Variants in MDGA2 observed in about 807,000 individuals in gnomAD.
MDGA2 encodes MAM domain containing glycosylphosphatidylinositol anchor 2.
In MDGA2, 40 loss-of-function variants were observed where a neutral mutation model predicts 117.8. The observed-to-expected ratio is 0.34, with a 90% CI of 0.26 to 0.44. The LOEUF is 0.44. Among genes scored for constraint, MDGA2 ranks in the 20% least tolerant of loss-of-function variants. The pLI is 1.00. For missense variants in MDGA2, 1,123 were observed against 1,250.6 expected (o/e 0.90, Z 1.54); for synonymous variants, 452 against 439.0 (o/e 1.03, Z -0.37).
At chr14:47,569,945 T>G (rs1418185136) in intron 1 of MDGA2, among the ~76,000 whole-genome samples, 2 of 152,218 alleles carry the variant, frequency 1.3e-5, no homozygotes, top group African/African-American at 4.8e-5. Context: ...GAGCAAAAAC[T>G]TTAATGAAGT....
chr14:47,497,975 T>G (rs1894317260), intron 1 of MDGA2, among the ~76,000 whole-genome samples: 1 of 152,212 alleles, frequency 6.6e-6, no homozygotes, highest in Admixed American at 6.5e-5. Context: ...AATGTTAACA[T>G]AAGTCAATGG....
intron 1 of MDGA2, among the ~76,000 whole-genome samples, chr14:47,542,227 G>A (rs542315604): frequency 6.6e-6 from 1 of 152,182 alleles, no homozygotes; most frequent in Non-Finnish European, 1.5e-5. Context: ...AGCACCACTT[G>A]TGTTCCATGA....
intron 2 of MDGA2, among the ~76,000 whole-genome samples, chr14:47,242,173 G>A (rs182034891): frequency 4.0e-5 from 6 of 151,872 alleles, no homozygotes; most frequent in Admixed American, 2.6e-4. Context: ...ACACACACAC[G>A]CTTGCAGTTC....
intron 7 of MDGA2, among the ~76,000 whole-genome samples, chr14:47,046,059 C>G (rs951628210): frequency 6.6e-6 from 1 of 150,658 alleles, no homozygotes; most frequent in Non-Finnish European, 1.5e-5. Flanking sequence ...TGCTAAATGA[C>G]GAGTTAATGG....
At chr14:46,978,239 C>T (rs1886542477) in intron 8 of MDGA2, among the ~76,000 whole-genome samples, 1 of 151,754 alleles carries the variant, frequency 6.6e-6, no homozygotes. Flanking sequence ...TCTATTATAA[C>T]AAAGATAAAC....
intron 1 of MDGA2, among the ~76,000 whole-genome samples, chr14:47,584,927 C>T (rs563885447): frequency 6.6e-6 from 1 of 151,894 alleles, no homozygotes; most frequent in South Asian, 2.1e-4. Context: ...GAATGGTACA[C>T]ATTTATTCAT....
chr14:47,507,457 T>C (rs903179160), intron 1 of MDGA2, among the ~76,000 whole-genome samples: 3 of 152,154 alleles, frequency 2.0e-5, no homozygotes, highest in African/African-American at 7.2e-5. Flanking sequence ...ATATCAATTG[T>C]AAAGAGTGTA....
chr14:47,376,332 T>C (rs1891477275), intron 1 of MDGA2, among the ~76,000 whole-genome samples: 1 of 152,164 alleles, frequency 6.6e-6, no homozygotes, highest in African/African-American at 2.4e-5. Context: ...TTCTGGAAAA[T>C]ATCATTAGTA....
intron 3 of MDGA2, among the ~76,000 whole-genome samples, chr14:47,195,182 T>C (rs1413434103): frequency 1.3e-5 from 2 of 152,046 alleles, no homozygotes; most frequent in Non-Finnish European, 2.9e-5. Flanking sequence ...ATGTGCACTT[T>C]ACTTATATTT....
chr14:47,136,509 A>G (rs1882465667), intron 4 of MDGA2, among the ~76,000 whole-genome samples: 1 of 152,036 alleles, frequency 6.6e-6, no homozygotes, highest in Non-Finnish European at 1.5e-5. Context: ...ATATGAAGAG[A>G]TTTCAACCTA....
chr14:47,467,883 C>G (rs1207027794), intron 1 of MDGA2, among the ~76,000 whole-genome samples: 1 of 152,010 alleles, frequency 6.6e-6, no homozygotes, highest in Non-Finnish European at 1.5e-5. Flanking sequence ...CTTAAAACAA[C>G]AGTAAAATGA....
At chr14:47,486,546 T>C (rs1316003782) in intron 1 of MDGA2, among the ~76,000 whole-genome samples, 1 of 151,838 alleles carries the variant, frequency 6.6e-6, no homozygotes, top group Non-Finnish European at 1.5e-5. Flanking sequence ...AGATATGAGA[T>C]TTGGGGGGTG....
At chr14:47,134,703 T>C (rs1339742478) in intron 4 of MDGA2, among the ~76,000 whole-genome samples, 5 of 151,690 alleles carry the variant, frequency 3.3e-5, no homozygotes, top group Non-Finnish European at 2.9e-5. Context: ...GTTACATATA[T>C]ATGATGATAT....
At chr14:47,529,553 A>G (rs927169434) in intron 1 of MDGA2, among the ~76,000 whole-genome samples, 2 of 152,196 alleles carry the variant, frequency 1.3e-5, no homozygotes, top group African/African-American at 4.8e-5. Context: ...AATAATAAAG[A>G]AAAACATGTA....
chr14:47,511,543 T>C (rs1894640945), intron 1 of MDGA2, among the ~76,000 whole-genome samples: 1 of 152,204 alleles, frequency 6.6e-6, no homozygotes, highest in Admixed American at 6.5e-5. Flanking sequence ...GTTTTAAAGT[T>C]TCTTTTTGTG....
In MDGA2 at chr14:47,674,659, C is replaced by A. The variant is rs1390960822; in HGVS notation, c.138G>T (p.Trp46Cys). ...GLARARVERA[W>C]LAAGLLKVPL... ...GGACCTTCAGGAGGCCGGCGGCCAG[C>A]CAGGCGCGCTCCACTCGCGCCCGGG... Residue 46 changes from tryptophan to cysteine, a missense_variant, in exon 1 of 17, where the codon TGG (tryptophan) becomes TGT (cysteine). Around this residue, in one of 2 missense-constraint regions of MDGA2, gnomAD observed 233 missense variants for 200.3 expected, o/e 1.16. Transcript: ENST00000399232. 6.9e-7 allele frequency: 1 copy of A among 1,445,216 alleles called. No homozygotes were observed. Among genetic ancestry groups the A allele is most frequent in the African/African-American group, 1.4e-5 (1 of 70,858 alleles). 89.5% of individuals were successfully genotyped at this position (1,445,216 alleles called of 1,614,324 possible). A position where few individuals can be genotyped will look rare whatever the true frequency, so the allele number is the denominator to read the frequency against.
rs1007743414 is a variant in MDGA2, at chr14:47,640,204, T to C, written c.280+34313A>G. Among the ~76,000 whole-genome samples the C allele has an allele frequency of 3.3e-5, 5 of 152,188 alleles. No homozygotes were observed. In the East Asian group the frequency reaches 9.6e-4, roughly 29 times the overall value. On this transcript the variant is annotated intron_variant, in intron 1 of 16. Transcript: ENST00000399232. Reference sequence around the variant, plus strand: ...GTTTAATGCCAAATGGTCCCCTTCTTGGATAGTTTACATCTTGAGTCAAGG... The same window carrying C: ...GTTTAATGCCAAATGGTCCCCTTCTCGGATAGTTTACATCTTGAGTCAAGG...
At chr14:46,999,584 G>A (rs980384118) in intron 8 of MDGA2, among the ~76,000 whole-genome samples, 1 of 152,032 alleles carries the variant, frequency 6.6e-6, no homozygotes, top group Non-Finnish European at 1.5e-5. Context: ...TAAACTTACT[G>A]TCATAAGTAT....
intron 1 of MDGA2, among the ~76,000 whole-genome samples, chr14:47,641,517 C>T (rs1476685571): frequency 6.6e-6 from 1 of 151,958 alleles, no homozygotes; most frequent in East Asian, 1.9e-4. Context: ...GAGAGAAGAT[C>T]CAGTGAAAGA....
Sources: allele counts gnomAD v4.1 joint callset (sites outside exome capture counted in the v4.1 genomes callset), GRCh38; gene constraint gnomAD v4.1.1; regional missense constraint gnomAD v4.1.1; transcripts MANE v1.5; gene names NCBI Gene and HGNC (gene_info 2026-07-23, HGNC 2026-07-21).